The following ATP11A variants were observed in gnomAD, a reference collection of about 807,000 sequenced individuals.
ATP11A encodes phospholipid-transporting ATPase IH.
In ATP11A, 81 loss-of-function variants were observed where a neutral mutation model predicts 154.4. That is an observed-to-expected ratio of 0.52 (90% CI 0.44 to 0.63). The LOEUF (loss-of-function observed/expected upper bound fraction) is 0.63. Among genes scored for constraint, ATP11A ranks in the 30% least tolerant of loss-of-function variants. ATP11A has a pLI of 0.00. For synonymous variants in ATP11A, 623 were observed against 585.9 expected (o/e 1.06, Z -0.91); for missense variants, 1,316 against 1,474.3 (o/e 0.89, Z 1.76).
At position 112,810,727 on chromosome 13, in the gene ATP11A, G is replaced by A. The variant is rs1208408680; in HGVS notation, c.441+1G>A. 4 of 1,613,562 alleles carry A rather than the reference G, an allele frequency of 2.5e-6. No individual in the cohort carries two copies. Among genetic ancestry groups the A allele is most frequent in the Non-Finnish European group, 3.4e-6 (4 of 1,179,482 alleles). Reference sequence around the variant, plus strand: ...TCGGAAACAAAGTCGAAAGCTGCGAGTAAGTGACACCCGACACATTTACGC... The same window carrying A: ...TCGGAAACAAAGTCGAAAGCTGCGAATAAGTGACACCCGACACATTTACGC... On this transcript the variant is annotated splice_donor_variant, in intron 5 of 29. Coordinates refer to ENST00000375645, the MANE Select transcript of ATP11A (RefSeq NM_015205.3). LOFTEE classifies it high-confidence loss of function.
rs144000858 is a variant in ATP11A, at chr13:112,883,270, CTGT to C, written c.*1409_*1411del. ...CCAGGGCTGCTGTGATAGGAAGTCC[CTGT>C]TGTTCTCCGTACTGGCATTTCTATT... On this transcript the variant is annotated 3_prime_UTR_variant, in exon 30 of 30. Coordinates refer to ENST00000375645, the MANE Select transcript of ATP11A (RefSeq NM_015205.3). The C allele has an allele frequency of 6.5e-5, 26 of 398,670 alleles. No individual in the cohort carries two copies. The highest frequency in any genetic ancestry group is 3.6e-4 in the East Asian group (10 of 28,082). 24.7% of individuals were successfully genotyped at this position (398,670 alleles called of 1,614,324 possible).
chr13:112,832,709 C>T, intron 13 of ATP11A, 151 bp from the exon 14 acceptor site: 2 of 771,128 alleles, frequency 2.6e-6, no homozygotes, highest in Non-Finnish European at 4.2e-6. Context: ...GTAATTCCAT[C>T]CCACTGTATA....
At chr13:112,718,259 G>A (rs1285038841) in intron 1 of ATP11A, among the ~76,000 whole-genome samples, 4 of 152,108 alleles carry the variant, frequency 2.6e-5, no homozygotes, top group African/African-American at 9.7e-5. Context: ...AAACAATATA[G>A]ATATTAAAAG....
At chr13:112,841,473 T>C (rs1340078778) in intron 16 of ATP11A, among the ~76,000 whole-genome samples, 2 of 147,306 alleles carry the variant, frequency 1.4e-5, no homozygotes, top group Non-Finnish European at 3.0e-5. Flanking sequence ...CGGGAGCACC[T>C]GCGCCCAGGC....
At chr13:112,834,785 C>T (rs978613290) in intron 15 of ATP11A, 125 bp downstream of exon 15, 11 of 697,030 alleles carry the variant, frequency 1.6e-5, no homozygotes, top group Admixed American at 9.5e-5. Context: ...TCCTCTCCTT[C>T]CCAGTGACAC....
intron 1 of ATP11A, among the ~76,000 whole-genome samples, chr13:112,710,159 G>A (rs936620775): frequency 3.3e-5 from 5 of 152,238 alleles, no homozygotes; most frequent in Admixed American, 6.5e-5. Flanking sequence ...CGGGAATCAC[G>A]AGTGTCATCC....
In ATP11A at chr13:112,873,671, G is replaced by A; in HGVS notation, c.3156G>A (p.Val1052=). Residue 1052 remains valine (V), a synonymous_variant, in exon 27 of 30, where the codon GTG becomes GTA. Transcript: ENST00000375645. ...YVVFSLLWGG[V]IWPFLNYQRM... is the part of the protein sequence containing the mutation. ...TCTTTTCGCTTCTCTGGGGAGGAGT[G>A]ATCTGGTAAATATCTGATAAGTAGC... 1.2e-6 allele frequency: 2 copies of A among 1,609,930 alleles called. No individual in the cohort carries two copies. The highest frequency in any genetic ancestry group is 1.1e-5 in the South Asian group (1 of 90,880).
intron 1 of ATP11A, among the ~76,000 whole-genome samples, chr13:112,718,124 A>C (rs1394813580): frequency 3.4e-5 from 5 of 146,658 alleles, no homozygotes; most frequent in East Asian, 2.0e-4. Flanking sequence ...CCTGCCCCCC[A>C]CCCCGCCAAG....
rs1357192126 is a variant in ATP11A at position 112,788,867 on chromosome 13, A to AAGTG, written c.162+3610_162+3611insAGTG. Among the ~76,000 whole-genome samples, 450 of 149,954 alleles carry AAGTG rather than the reference A, an allele frequency of 3.0e-3. 6 individuals carry two copies. The highest frequency in any genetic ancestry group is 0.011 in the African/African-American group (438 of 40,658). ...GCGACCTACTTAATTCACACCCGGC[A>AAGTG]TCCTGACGTGTAGACTCCTATGTAG... On this transcript the variant is annotated intron_variant, in intron 2 of 29. Coordinates refer to ENST00000375645, the MANE Select transcript of ATP11A (RefSeq NM_015205.3).
Position 112,746,906 on chromosome 13 carries a change from T to C in ATP11A, c.40-38229T>C, listed in dbSNP as rs976169677. 7 of 152,114 alleles carry C rather than the reference T, an allele frequency of 4.6e-5. No homozygotes were observed. Among genetic ancestry groups the C allele is most frequent in the Non-Finnish European group, 1.0e-4 (7 of 68,028 alleles). The allele number at this position is 152,114 out of a possible 1,614,324, so 9.4% of individuals were successfully genotyped here. ...CTTTTCATCTCCTTATTAGACCTTC[T>C]TGCTACAAATGTCTATTGAGGTTCT... is the stretch of plus-strand genomic sequence containing the variant. On this transcript the variant is annotated intron_variant, in intron 1 of 29. Coordinates refer to ENST00000375645, the MANE Select transcript of ATP11A (RefSeq NM_015205.3). The surrounding 1 kb of genome is among the most constrained non-coding windows in gnomAD (Gnocchi z 4.1).
At chr13:112,824,238 G>A (rs1031049537) in intron 9 of ATP11A, 106 bp from the exon 10 acceptor site, 4 of 846,748 alleles carry the variant, frequency 4.7e-6, no homozygotes, top group Admixed American at 1.8e-5. Context: ...TTAAAAATAG[G>A]ATTCGCTTTA....
intron 1 of ATP11A, among the ~76,000 whole-genome samples, chr13:112,726,314 G>A (rs910128680): frequency 2.0e-5 from 3 of 150,082 alleles, no homozygotes; most frequent in Admixed American, 6.6e-5. Context: ...GGGGCACAGC[G>A]TGCATGCAAA....
chr13:112,798,927 C>T (rs533048177), intron 2 of ATP11A, among the ~76,000 whole-genome samples: 34 of 152,264 alleles, frequency 2.2e-4, no homozygotes, highest in African/African-American at 7.7e-4. Flanking sequence ...GCAGGAAAGG[C>T]ACTTTAAATA....
At chr13:112,867,595 G>C (rs1246166536) in intron 25 of ATP11A, among the ~76,000 whole-genome samples, 1 of 152,224 alleles carries the variant, frequency 6.6e-6, no homozygotes, top group East Asian at 1.9e-4. Flanking sequence ...TCCGCAGTCA[G>C]CTGCACCTGG....
At chr13:112,731,422 A>G (rs2139691801) in intron 1 of ATP11A, among the ~76,000 whole-genome samples, 1 of 152,332 alleles carries the variant, frequency 6.6e-6, no homozygotes, top group Admixed American at 6.5e-5. Context: ...CACACACTTC[A>G]TTCCCACTCC....
chr13:112,803,906 TCA>T, intron 2 of ATP11A, among the ~76,000 whole-genome samples: 1 of 85,594 alleles, frequency 1.2e-5, no homozygotes, highest in Non-Finnish European at 2.4e-5. Flanking sequence ...CTTCCCTCCT[TCA>T]CCTCCCTCCC....
chr13:112,848,662 A>G (rs1265262561), intron 17 of ATP11A, among the ~76,000 whole-genome samples: 5 of 152,188 alleles, frequency 3.3e-5, no homozygotes, highest in Non-Finnish European at 5.9e-5. Flanking sequence ...GTCCTTCACC[A>G]TGGAGGGTGA....
chr13:112,812,371 C>T (rs1404673973), intron 5 of ATP11A, among the ~76,000 whole-genome samples: 1 of 152,210 alleles, frequency 6.6e-6, no homozygotes, highest in Non-Finnish European at 1.5e-5. Flanking sequence ...CCACGCCTCC[C>T]TCCCTCGTGC....
chr13:112,732,462 G>C (rs1048598534), intron 1 of ATP11A, among the ~76,000 whole-genome samples: 12 of 151,474 alleles, frequency 7.9e-5, no homozygotes, highest in African/African-American at 2.9e-4. Flanking sequence ...CTCCAGCTCT[G>C]TCTCTCTCCA....
Sources: gnomAD v4.1 joint callset for allele counts (sites outside exome capture counted in the v4.1 genomes callset) on GRCh38, gnomAD v4.1.1 for gene constraint, Gnocchi (gnomAD v3.1) non-coding constraint, MANE v1.5 for transcripts, NCBI Gene and HGNC (gene_info 2026-07-23, HGNC 2026-07-21) for gene names.